Variants in CSGALNACT1 observed in about 807,000 individuals in gnomAD.
The protein encoded by CSGALNACT1 is chondroitin sulfate N-acetylgalactosaminyltransferase 1, also known as beta4GalNAcT-1.
A neutral mutation model predicts 51.0 loss-of-function variants in CSGALNACT1; 52 were observed. The ratio of observed to expected loss-of-function variants is 1.02; its 90% CI spans 0.82 to 1.29. CSGALNACT1 has a LOEUF of 1.29. CSGALNACT1 is among the 50% of genes most tolerant of loss of function. The pLI, the probability that CSGALNACT1 is intolerant of heterozygous loss-of-function variation, is 0.00. For synonymous variants in CSGALNACT1, 341 were observed against 254.4 expected, an observed-to-expected ratio of 1.34 and a Z score of -3.24; for missense variants, 935 against 679.2, an observed-to-expected ratio of 1.38 and a Z score of -4.19.
At chr8:19,567,670 A>T (rs1291193165) in intron 3 of CSGALNACT1, among the ~76,000 whole-genome samples, 2 of 152,258 alleles carry the variant, frequency 1.3e-5, no homozygotes, top group Non-Finnish European at 2.9e-5. Flanking sequence ...TATAAGAATT[A>T]GAAAAGACAA....
chr8:19,458,727 G>A, intron 4 of CSGALNACT1, 85 bp from the exon 4 acceptor site: 1 of 1,266,654 alleles, frequency 7.9e-7, no homozygotes, highest in Non-Finnish European at 1.2e-6. Context: ...AGCACAGAAT[G>A]CCTTTAAAAA....
At chr8:19,529,865 G>C (rs2082398330) in intron 3 of CSGALNACT1, among the ~76,000 whole-genome samples, 1 of 152,128 alleles carries the variant, frequency 6.6e-6, no homozygotes, top group African/African-American at 2.4e-5. Flanking sequence ...GTGATGCTAT[G>C]TAAATAGCTA....
intron 3 of CSGALNACT1, among the ~76,000 whole-genome samples, chr8:19,513,535 A>C (rs2078910000): frequency 6.6e-6 from 1 of 150,980 alleles, no homozygotes; most frequent in South Asian, 2.1e-4. Context: ...AGAATCCACA[A>C]TAATCTATCT....
At chr8:19,645,716 G>A (rs1013782600) in intron 1 of CSGALNACT1, among the ~76,000 whole-genome samples, 11 of 152,308 alleles carry the variant, frequency 7.2e-5, no homozygotes, top group Admixed American at 4.6e-4. Context: ...GCAAGCACAG[G>A]GGGAAAGCTG....
At chr8:19,600,733 CTCATT>C (rs2050227939) in intron 2 of CSGALNACT1, among the ~76,000 whole-genome samples, 1 of 151,748 alleles carries the variant, frequency 6.6e-6, no homozygotes, top group Non-Finnish European at 1.5e-5. Context: ...TCCACACACC[CTCATT>C]TAAGTACAGG....
rs752170480 is a variant in CSGALNACT1, at chr8:19,408,731, A to G, written c.1228-37T>C. 11 of 1,590,534 alleles carry G rather than the reference A, an allele frequency of 6.9e-6. No homozygotes were observed. In the African/African-American group the frequency reaches 1.3e-4, roughly 19 times the overall value. ...GCACTGTCATTTGAGGGGAAAGTTT[A>G]GGGTGGACAAAAATAGAGTGTTCAC... On this transcript the variant is annotated intron_variant, in intron 8 of 9. Transcript: ENST00000454498.
At position 19,499,784 on chromosome 8, in the gene CSGALNACT1, G is replaced by C. The variant is rs113985831; in HGVS notation, c.634+5417C>G. Among the ~76,000 whole-genome samples the C allele has an allele frequency of 5.1e-3, 776 of 152,244 alleles. 4 individuals carry two copies. Among genetic ancestry groups the C allele is most frequent in the African/African-American group, 0.018 (734 of 41,538 alleles). On this transcript the variant is annotated intron_variant, in intron 4 of 9. Transcript: ENST00000454498. ...GGGCCCAGTGTAAAATGAAAATGTG[G>C]GGCCCCTTAAACATGATTAAGAATG... is the stretch of plus-strand genomic sequence containing the variant.
chr8:19,674,607 G>A (rs1270456318), intron 1 of CSGALNACT1, among the ~76,000 whole-genome samples: 1 of 152,160 alleles, frequency 6.6e-6, no homozygotes, highest in East Asian at 1.9e-4. Context: ...CCAGGACCCT[G>A]GCCTTTATCC....
intron 1 of CSGALNACT1, among the ~76,000 whole-genome samples, chr8:19,744,551 C>T (rs1399338343): frequency 6.6e-6 from 1 of 152,076 alleles, no homozygotes; most frequent in African/African-American, 2.4e-5. Context: ...TAAATCCAGC[C>T]AGCCTGCCAC....
At chr8:19,408,793 C>G (rs1005134079) in intron 8 of CSGALNACT1, 99 bp from the exon 8 acceptor site, 1 of 1,021,530 alleles carries the variant, frequency 9.8e-7, no homozygotes, top group African/African-American at 1.6e-5. Flanking sequence ...TGGAGCCCAT[C>G]CCATCACTGA....
intron 1 of CSGALNACT1, among the ~76,000 whole-genome samples, chr8:19,708,614 A>G (rs1403213096): frequency 6.6e-6 from 1 of 152,192 alleles, no homozygotes; most frequent in Non-Finnish European, 1.5e-5. Flanking sequence ...CCATTAAAAG[A>G]ACTCAGCAAA....
rs553677822 is a variant in CSGALNACT1 at position 19,473,269 on chromosome 8, G to C, written c.635-14627C>G. On this transcript the variant is annotated intron_variant, in intron 4 of 9. Transcript: ENST00000454498. ...CTAGAGGATTTTTTTGATATTGCTT[G>C]AAAAACCCATTTCTAATGCATAATA... Among the ~76,000 whole-genome samples, 37 of 152,188 alleles carry C rather than the reference G, an allele frequency of 2.4e-4. No individual in the cohort carries two copies. In the South Asian group the frequency reaches 2.7e-3, roughly 11 times the overall value.
intron 1 of CSGALNACT1, among the ~76,000 whole-genome samples, chr8:19,622,737 T>C (rs1412991351): frequency 2.0e-5 from 3 of 151,882 alleles, no homozygotes; most frequent in Non-Finnish European, 4.4e-5. Context: ...TAATGTGTAA[T>C]TAATAAGCTA....
chr8:19,556,689 CT>C lies in CSGALNACT1; in HGVS notation c.-297+34470del, dbSNP rs375448091. ...CAGGCACAAGCTATAATAGATTCTC[CT>C]TTTTTTTTTCTCTCCTAGGATAATT... On this transcript the variant is annotated intron_variant, in intron 3 of 9. Transcript: ENST00000454498. 4.3e-4 allele frequency among the ~76,000 whole-genome samples: 64 copies of C among 149,656 alleles called. 1 individual carries two copies. Among genetic ancestry groups the C allele is most frequent in the East Asian group, 3.3e-3 (17 of 5,114 alleles).
intron 6 of CSGALNACT1, among the ~76,000 whole-genome samples, chr8:19,432,760 C>T (rs1195533944): frequency 6.6e-6 from 1 of 152,118 alleles, no homozygotes; most frequent in African/African-American, 2.4e-5. Flanking sequence ...TTCAACACTA[C>T]AATTTCTATT....
At chr8:19,532,873 C>T (rs1185726577) in intron 3 of CSGALNACT1, among the ~76,000 whole-genome samples, 1 of 152,190 alleles carries the variant, frequency 6.6e-6, no homozygotes, top group Non-Finnish European at 1.5e-5. Context: ...TACAGGTGAA[C>T]TACAAAACAA....
intron 5 of CSGALNACT1, among the ~76,000 whole-genome samples, chr8:19,450,812 A>AG (rs985913407): frequency 2.6e-5 from 4 of 151,798 alleles, no homozygotes; most frequent in African/African-American, 7.3e-5. Flanking sequence ...CAGGAGTCTG[A>AG]GGGGGGAGGA....
rs532168623 is a variant in CSGALNACT1 at position 19,447,750 on chromosome 8, A to T, written c.852-7819T>A. 1.6e-4 allele frequency among the ~76,000 whole-genome samples: 24 copies of T among 152,334 alleles called. 1 individual carries two copies. The South Asian group carries it at 3.9e-3, about 25-fold the overall frequency. On this transcript the variant is annotated intron_variant, in intron 5 of 9. Coordinates refer to ENST00000454498, the Ensembl canonical transcript of CSGALNACT1. ...GCTCAGTAATAAAAACTGACTTGTC[A>T]GAGAGGGAGTGTGGTTGTCAAAGTG...
At chr8:19,644,749 CTAG>C (rs2057105007) in intron 1 of CSGALNACT1, among the ~76,000 whole-genome samples, 1 of 145,534 alleles carries the variant, frequency 6.9e-6, no homozygotes, top group African/African-American at 2.5e-5. Flanking sequence ...GGAAACATAG[CTAG>C]TCATCTCATC....
Sources: allele counts gnomAD v4.1 joint callset (sites outside exome capture counted in the v4.1 genomes callset), GRCh38; gene constraint gnomAD v4.1.1; transcripts MANE v1.5; gene names NCBI Gene and HGNC (gene_info 2026-07-23, HGNC 2026-07-21).